The following KCNB2 variants were observed in gnomAD, a reference collection of about 807,000 sequenced individuals.
KCNB2 encodes the protein delayed rectifier potassium channel protein.
A neutral mutation model predicts 61.5 loss-of-function variants in KCNB2; 15 were observed. The ratio of observed to expected loss-of-function variants is 0.24; its 90% CI spans 0.16 to 0.38. The LOEUF (loss-of-function observed/expected upper bound fraction) is 0.38. KCNB2 is among the 10% of genes least tolerant of loss of function. The pLI, the probability that KCNB2 is intolerant of heterozygous loss-of-function variation, is 1.00. For synonymous variants in KCNB2, 457 were observed against 446.0 expected, an observed-to-expected ratio of 1.02 and a Z score of -0.31; for missense variants, 828 against 1,125.2, an observed-to-expected ratio of 0.74 and a Z score of 3.78.
At chr8:72,626,406 C>T (rs1443918804) in intron 2 of KCNB2, among the ~76,000 whole-genome samples, 1 of 152,176 alleles carries the variant, frequency 6.6e-6, no homozygotes, top group Non-Finnish European at 1.5e-5. Context: ...TGTAATCAAT[C>T]ACACTCAGAA....
chr8:72,543,077 C>T (rs2128976529), intron 1 of KCNB2, among the ~76,000 whole-genome samples: 1 of 152,280 alleles, frequency 6.6e-6, no homozygotes, highest in East Asian at 1.9e-4. Flanking sequence ...AGAGCCACAA[C>T]ACTCTACTCA....
At chr8:72,894,850 G>A (rs1805964193) in intron 2 of KCNB2, among the ~76,000 whole-genome samples, 1 of 152,174 alleles carries the variant, frequency 6.6e-6, no homozygotes, top group South Asian at 2.1e-4. Context: ...GACATTCAGT[G>A]AGAACACAGA....
chr8:72,724,637 C>T (rs1187208749), intron 2 of KCNB2, among the ~76,000 whole-genome samples: 1 of 152,110 alleles, frequency 6.6e-6, no homozygotes, highest in Non-Finnish European at 1.5e-5. Context: ...AGATAAATAA[C>T]AATAGTATGT....
chr8:72,829,065 T>C (rs991555366), intron 2 of KCNB2, among the ~76,000 whole-genome samples: 2 of 152,216 alleles, frequency 1.3e-5, no homozygotes, highest in African/African-American at 4.8e-5. Context: ...TTGTCATGGC[T>C]CTGACCAGAG....
intron 1 of KCNB2, among the ~76,000 whole-genome samples, chr8:72,548,759 T>G (rs2128977107): frequency 6.6e-6 from 1 of 152,344 alleles, no homozygotes; most frequent in South Asian, 2.1e-4. Flanking sequence ...TTTCTGTCAG[T>G]TACACTACTA....
chr8:72,921,486 C>A (rs1291629013), intron 2 of KCNB2, among the ~76,000 whole-genome samples: 1 of 152,074 alleles, frequency 6.6e-6, no homozygotes, highest in South Asian at 2.1e-4. Flanking sequence ...ACTGGTGTTT[C>A]GGATGTAAAC....
intron 2 of KCNB2, among the ~76,000 whole-genome samples, chr8:72,720,576 CTT>C (rs1807531841): frequency 1.3e-5 from 2 of 152,194 alleles, no homozygotes; most frequent in South Asian, 2.1e-4. Context: ...GTTTACCTCT[CTT>C]GTCACCTTCA....
intron 2 of KCNB2, among the ~76,000 whole-genome samples, chr8:72,570,161 A>G (rs906379222): frequency 6.6e-6 from 1 of 152,174 alleles, no homozygotes; most frequent in Admixed American, 6.5e-5. Flanking sequence ...AGACCTTTAC[A>G]TATGTATCCA....
At chr8:72,661,007 G>A (rs562109699) in intron 2 of KCNB2, 10 of 152,006 alleles carry the variant, frequency 6.6e-5, no homozygotes, top group African/African-American at 2.4e-4. Context: ...GTGTACATTC[G>A]GTTGCTTTTT....
In KCNB2 at chr8:72,606,097, G is replaced by A. The variant is rs553395588; in HGVS notation, c.579+37784G>A. Among the ~76,000 whole-genome samples the A allele has an allele frequency of 3.0e-3, 455 of 152,286 alleles. 1 individual carries two copies. The highest frequency in any genetic ancestry group is 4.5e-3 in the Non-Finnish European group (306 of 68,006). ...AGAATATATTATCTCATTAGAATAA[G>A]TTAAATTGGTATCATTTTCTAGAAA... On this transcript the variant is annotated intron_variant, in intron 2 of 2. Transcript: ENST00000523207.
chr8:72,673,956 T>C (rs1441484725), intron 2 of KCNB2, among the ~76,000 whole-genome samples: 1 of 152,212 alleles, frequency 6.6e-6, no homozygotes, highest in Middle Eastern at 3.2e-3. Context: ...TTATGTTAGG[T>C]ATATTTTACC....
chr8:72,654,675 T>C (rs1427675092), intron 2 of KCNB2, among the ~76,000 whole-genome samples: 2 of 152,120 alleles, frequency 1.3e-5, no homozygotes. Flanking sequence ...TTTGCTTTAC[T>C]AAAGAAATGT....
At chr8:72,826,400 T>C (rs935105693) in intron 2 of KCNB2, among the ~76,000 whole-genome samples, 1 of 152,182 alleles carries the variant, frequency 6.6e-6, no homozygotes, top group Non-Finnish European at 1.5e-5. Context: ...GAATTTTTTA[T>C]GCCTATGAAC....
At chr8:72,618,991 C>A in intron 2 of KCNB2, 2 of 331,028 alleles carry the variant, frequency 6.0e-6, no homozygotes, top group South Asian at 5.7e-5. Flanking sequence ...CTGAACTCCA[C>A]TGACTTTGTT....
chr8:72,777,527 T>C (rs1808676048), intron 2 of KCNB2, among the ~76,000 whole-genome samples: 1 of 152,198 alleles, frequency 6.6e-6, no homozygotes, highest in South Asian at 2.1e-4. Context: ...GGTCTCCAGT[T>C]CTTGGTTTAT....
intron 2 of KCNB2, among the ~76,000 whole-genome samples, chr8:72,650,397 C>T (rs114118912): frequency 6.6e-6 from 1 of 152,232 alleles, no homozygotes; most frequent in African/African-American, 2.4e-5. Context: ...GCTCTTACAA[C>T]AAAAAGAGAC....
At chr8:72,786,096 T>A (rs949917066) in intron 2 of KCNB2, among the ~76,000 whole-genome samples, 1 of 151,452 alleles carries the variant, frequency 6.6e-6, no homozygotes, top group Non-Finnish European at 1.5e-5. Flanking sequence ...CATTTTCACA[T>A]TTAGTATGCT....
At chr8:72,555,623 C>T (rs1806414477) in intron 1 of KCNB2, among the ~76,000 whole-genome samples, 2 of 151,022 alleles carry the variant, frequency 1.3e-5, no homozygotes, top group Non-Finnish European at 3.0e-5. Context: ...GAAAAAAACC[C>T]ATAACAATAT....
chr8:72,896,265 A>G (rs1805986574), intron 2 of KCNB2, among the ~76,000 whole-genome samples: 1 of 152,164 alleles, frequency 6.6e-6, no homozygotes. Flanking sequence ...AGAGGAGGAT[A>G]CCATCACCTG....
Sources: gnomAD v4.1 joint callset for allele counts (sites outside exome capture counted in the v4.1 genomes callset) on GRCh38, gnomAD v4.1.1 for gene constraint, MANE v1.5 for transcripts, NCBI Gene and HGNC (gene_info 2026-07-23, HGNC 2026-07-21) for gene names.